The following USP22 variants were observed in gnomAD, a reference collection of about 807,000 sequenced individuals.
The protein encoded by USP22 is ubiquitin specific peptidase 22, also known as ubiquitin carboxyl-terminal hydrolase 22.
In USP22, 22 loss-of-function variants were observed where a neutral mutation model predicts 68.1. That is an observed-to-expected ratio of 0.32 (90% CI 0.23 to 0.46). The LOEUF (loss-of-function observed/expected upper bound fraction) is 0.46, where lower values mean the gene tolerates loss of function less well. USP22 is among the 20% of genes least tolerant of loss of function. The probability of loss-of-function intolerance (pLI) is 1.00; values close to 1 mark genes in which losing one functional copy is unlikely to be tolerated. For synonymous variants in USP22, 279 were observed against 274.2 expected (o/e 1.02, Z -0.17); for missense variants, 433 against 695.8 (o/e 0.62, Z 4.25).
chr17:21,009,475 A>C (rs2143532918), intron 8 of USP22, among the ~76,000 whole-genome samples: 1 of 151,534 alleles, frequency 6.6e-6, no homozygotes, highest in East Asian at 1.9e-4. Context: ...ACCCGGGTGC[A>C]CTCTACCTCT....
chr17:21,020,882 G>A (rs1166454155), intron 3 of USP22, among the ~76,000 whole-genome samples: 1 of 152,152 alleles, frequency 6.6e-6, no homozygotes, highest in African/African-American at 2.4e-5. Context: ...AAGCACCCTG[G>A]AAGTGGTCCC....
Position 21,003,066 on chromosome 17 carries a change from G to GC in USP22, c.1542dup (p.Leu515AlafsTer32), listed in dbSNP as rs747488239. 6.2e-7 allele frequency: 1 copy of GC among 1,613,978 alleles called. No individual in the cohort carries two copies. The highest frequency in any genetic ancestry group is 8.5e-7 in the Non-Finnish European group (1 of 1,179,930). On this transcript the variant is annotated frameshift_variant, in exon 13 of 13. Transcript: ENST00000261497. LOFTEE classifies it high-confidence loss of function. ...TCCAGGAACTGTTTGTGATAGAACAGCAAGTACCTGTGGAGGCAGAGAGAG... is the reference window on the plus strand; with the variant it reads ...TCCAGGAACTGTTTGTGATAGAACAGCCAAGTACCTGTGGAGGCAGAGAGAG...
intron 1 of USP22, among the ~76,000 whole-genome samples, chr17:21,036,097 G>C (rs897469550): frequency 2.0e-5 from 3 of 148,460 alleles, no homozygotes; most frequent in African/African-American, 7.5e-5. Context: ...AATGGATATT[G>C]CTAGACAAAA....
At chr17:21,006,296 T>C (rs1913776104) in intron 10 of USP22, among the ~76,000 whole-genome samples, 1 of 152,232 alleles carries the variant, frequency 6.6e-6, no homozygotes, top group Non-Finnish European at 1.5e-5. Flanking sequence ...CTGCCTGTAC[T>C]TCAACATCTG....
intron 1 of USP22, among the ~76,000 whole-genome samples, chr17:21,037,057 T>G (rs559647585): frequency 6.6e-6 from 1 of 152,300 alleles, no homozygotes; most frequent in Middle Eastern, 3.4e-3. Flanking sequence ...TGTGGCTATG[T>G]GAAAGGGACA....
chr17:21,040,992 C>T (rs1972422364), intron 1 of USP22, among the ~76,000 whole-genome samples: 1 of 151,408 alleles, frequency 6.6e-6, no homozygotes, highest in African/African-American at 2.4e-5. Context: ...TGAAGTGATT[C>T]TCCTGCCTCA....
intron 4 of USP22, 110 bp downstream of exon 4, chr17:21,018,974 T>TTA: frequency 8.9e-7 from 1 of 1,125,862 alleles, no homozygotes. Flanking sequence ...TGAGTGACAG[T>TTA]TATGCAGGGC....
chr17:21,009,400 C>T (rs184281292), intron 8 of USP22, among the ~76,000 whole-genome samples: 9 of 152,304 alleles, frequency 5.9e-5, no homozygotes, highest in African/African-American at 2.2e-4. Flanking sequence ...TGTTTCGTTG[C>T]TAGCTTTGTG....
chr17:21,027,661 T>C (rs1241448828), intron 2 of USP22, among the ~76,000 whole-genome samples: 2 of 152,196 alleles, frequency 1.3e-5, no homozygotes, highest in Non-Finnish European at 2.9e-5. Flanking sequence ...AAACAGTTAA[T>C]GCACGAAGTC....
At chr17:21,025,675 G>T (rs970567983) in intron 2 of USP22, among the ~76,000 whole-genome samples, 1 of 152,192 alleles carries the variant, frequency 6.6e-6, no homozygotes, top group Non-Finnish European at 1.5e-5. Flanking sequence ...ACAAAGGAAT[G>T]AAATACTAAT....
chr17:21,018,285 G>C (rs575023477), intron 4 of USP22, 174 bp from the exon 5 acceptor site: 2 of 586,546 alleles, frequency 3.4e-6, no homozygotes, highest in Non-Finnish European at 5.7e-6. Context: ...TTACATGAAC[G>C]GTATTGAAGA....
At chr17:21,021,732 T>G (rs559895966) in intron 2 of USP22, among the ~76,000 whole-genome samples, 1 of 152,344 alleles carries the variant, frequency 6.6e-6, no homozygotes, top group South Asian at 2.1e-4. Flanking sequence ...CGGATGACTT[T>G]GATTGACATC....
chr17:20,999,991 C>G lies in USP22; in HGVS notation c.*3040G>C, dbSNP rs981073928. 6.6e-6 allele frequency: 1 copy of G among 152,344 alleles called. No homozygotes were observed. The highest frequency in any genetic ancestry group is 2.4e-5 in the African/African-American group (1 of 41,440). The allele number at this position is 152,344 out of a possible 1,614,324, so 9.4% of individuals were successfully genotyped here. ...AGAGGGCCCCGGGGCCAGAGGGAGG[C>G]CGCCCACACTCCCAGCACATCACCT... is the stretch of plus-strand genomic sequence containing the variant. On this transcript the variant is annotated 3_prime_UTR_variant, in exon 13 of 13. Transcript: ENST00000261497.
intron 6 of USP22, among the ~76,000 whole-genome samples, chr17:21,014,599 G>T (rs1914074090): frequency 2.0e-5 from 3 of 152,162 alleles, no homozygotes; most frequent in Non-Finnish European, 4.4e-5. Flanking sequence ...ACTGTGGGTT[G>T]TTTCTGGGCT....
chr17:21,013,691 T>C (rs1225071873), intron 6 of USP22, among the ~76,000 whole-genome samples: 3 of 152,070 alleles, frequency 2.0e-5, no homozygotes, highest in African/African-American at 4.8e-5. Flanking sequence ...AGGTTTAAGA[T>C]TAGAGAGAAA....
chr17:21,010,642 C>T (rs1388455327), intron 8 of USP22, among the ~76,000 whole-genome samples: 1 of 145,042 alleles, frequency 6.9e-6, no homozygotes, highest in Non-Finnish European at 1.5e-5. Context: ...CCAGCCTGGT[C>T]GACAGAGCAC....
intron 6 of USP22, 90 bp downstream of exon 6, chr17:21,015,660 CCT>C: frequency 2.8e-6 from 4 of 1,450,318 alleles, no homozygotes; most frequent in Non-Finnish European, 3.7e-6. Flanking sequence ...CACCTGTGCC[CCT>C]TTTTGCACGA....
intron 2 of USP22, among the ~76,000 whole-genome samples, chr17:21,024,225 T>C (rs926795425): frequency 6.6e-6 from 1 of 152,122 alleles, no homozygotes; most frequent in Non-Finnish European, 1.5e-5. Flanking sequence ...GAGACAAGTT[T>C]ACAATAAGGG....
At chr17:21,005,358 G>A (rs1301763777) in intron 10 of USP22, among the ~76,000 whole-genome samples, 3 of 152,202 alleles carry the variant, frequency 2.0e-5, no homozygotes, top group African/African-American at 4.8e-5. Flanking sequence ...GAAAGGGTAC[G>A]CTGAATCCAT....
Sources: gnomAD v4.1 joint callset for allele counts (sites outside exome capture counted in the v4.1 genomes callset) on GRCh38, gnomAD v4.1.1 for gene constraint, MANE v1.5 for transcripts, NCBI Gene and HGNC (gene_info 2026-07-23, HGNC 2026-07-21) for gene names.